MSRA: variants seen among roughly 807,000 people sequenced by gnomAD.
The protein encoded by MSRA is methionine sulfoxide reductase A.
In MSRA, 54 loss-of-function variants were observed where a neutral mutation model predicts 31.3. That is an observed-to-expected ratio of 1.73 (90% CI 1.39 to 2.17). The LOEUF is 2.17. Ranked by LOEUF, MSRA falls within the 30% of genes most tolerant of loss-of-function variation. The pLI is 0.00. For synonymous variants in MSRA, 169 were observed against 116.5 expected (o/e 1.45, Z -2.90); for missense variants, 507 against 300.9 (o/e 1.69, Z -5.07).
intron 3 of MSRA, among the ~76,000 whole-genome samples, chr8:10,256,774 C>A (rs575164014): frequency 1.2e-4 from 18 of 152,168 alleles, no homozygotes; most frequent in African/African-American, 4.3e-4. Context: ...CTCTGTCCCC[C>A]CGAGGCGAAG....
At chr8:10,328,796 C>G (rs1453766455) in intron 5 of MSRA, among the ~76,000 whole-genome samples, 1 of 152,166 alleles carries the variant, frequency 6.6e-6, no homozygotes, top group Non-Finnish European at 1.5e-5. Flanking sequence ...TGGGGACTCA[C>G]TATGAGAACC....
At chr8:10,341,034 G>A (rs1361041307) in intron 5 of MSRA, among the ~76,000 whole-genome samples, 1 of 152,222 alleles carries the variant, frequency 6.6e-6, no homozygotes, top group Middle Eastern at 3.2e-3. Flanking sequence ...CCAAGTGAGA[G>A]GTTGACTATT....
intron 5 of MSRA, among the ~76,000 whole-genome samples, chr8:10,365,116 G>T (rs1476397658): frequency 7.0e-6 from 1 of 142,340 alleles, no homozygotes; most frequent in African/African-American, 2.7e-5. Context: ...ACTTCTAAGG[G>T]CCTTCCTGGT....
chr8:10,338,179 C>A (rs1198104221), intron 5 of MSRA, among the ~76,000 whole-genome samples: 1 of 152,152 alleles, frequency 6.6e-6, no homozygotes, highest in Non-Finnish European at 1.5e-5. Flanking sequence ...CCCGAGAAAG[C>A]AATACTAGCA....
chr8:10,195,288 T>C (rs1807871373), intron 1 of MSRA, among the ~76,000 whole-genome samples: 2 of 152,242 alleles, frequency 1.3e-5, no homozygotes, highest in African/African-American at 4.8e-5. Flanking sequence ...TCGCCCAGGC[T>C]TCAGTGCAGT....
intron 5 of MSRA, among the ~76,000 whole-genome samples, chr8:10,393,763 C>T (rs1806915301): frequency 6.6e-6 from 1 of 152,196 alleles, no homozygotes; most frequent in African/African-American, 2.4e-5. Context: ...TATACAGGTA[C>T]AGTTACATGG....
At chr8:10,426,850 C>G (rs930333569) in intron 5 of MSRA, among the ~76,000 whole-genome samples, 7 of 152,190 alleles carry the variant, frequency 4.6e-5, no homozygotes, top group East Asian at 1.9e-4. Flanking sequence ...ATTGTCAAAA[C>G]TGACATTAGA....
chr8:10,408,476 C>A (rs912798721), intron 5 of MSRA, among the ~76,000 whole-genome samples: 1 of 152,046 alleles, frequency 6.6e-6, no homozygotes, highest in Non-Finnish European at 1.5e-5. Context: ...CAGAATCAAG[C>A]CTGCAGTGAG....
intron 5 of MSRA, among the ~76,000 whole-genome samples, chr8:10,354,750 G>GTGTGTGTATATA (rs371336632): frequency 1.4e-5 from 2 of 138,404 alleles, no homozygotes; most frequent in African/African-American, 5.5e-5. Context: ...GTGTGTGTGT[G>GTGTGTGTATATA]TATATATATA....
chr8:10,201,028 A>G (rs540547749), intron 1 of MSRA, among the ~76,000 whole-genome samples: 4 of 152,114 alleles, frequency 2.6e-5, no homozygotes, highest in Non-Finnish European at 4.4e-5. Context: ...TTCCTGACTG[A>G]CTTGTACCCT....
chr8:10,096,258 A>G (rs1353534665), intron 1 of MSRA: 11 of 1,177,324 alleles, frequency 9.3e-6, no homozygotes, highest in Non-Finnish European at 1.2e-5. Context: ...TAGTGACAAC[A>G]CTGAAGACCA....
At chr8:10,081,278 C>T (rs1050111389) in intron 1 of MSRA, among the ~76,000 whole-genome samples, 2 of 152,224 alleles carry the variant, frequency 1.3e-5, no homozygotes, top group South Asian at 2.1e-4. Context: ...CCTGGCATCC[C>T]ATAGCTGACT....
intron 5 of MSRA, among the ~76,000 whole-genome samples, chr8:10,366,665 G>A (rs773031974): frequency 4.6e-5 from 7 of 152,202 alleles, no homozygotes; most frequent in Non-Finnish European, 8.8e-5. Flanking sequence ...ACCTGTAACA[G>A]TACCTGCTAC....
At chr8:10,209,444 C>A (rs1809286577) in intron 2 of MSRA, among the ~76,000 whole-genome samples, 1 of 152,196 alleles carries the variant, frequency 6.6e-6, no homozygotes, top group South Asian at 2.1e-4. Flanking sequence ...AGATTCAGTA[C>A]CAGATGGGCT....
At chr8:10,124,291 G>A (rs1412447973) in intron 1 of MSRA, among the ~76,000 whole-genome samples, 1 of 152,106 alleles carries the variant, frequency 6.6e-6, no homozygotes, top group Non-Finnish European at 1.5e-5. Context: ...GCAGGCGAGA[G>A]AGAGGCTGAG....
At chr8:10,294,270 A>G (rs956185402) in intron 3 of MSRA, among the ~76,000 whole-genome samples, 2 of 152,186 alleles carry the variant, frequency 1.3e-5, no homozygotes, top group African/African-American at 4.8e-5. Context: ...AGATTCCCTG[A>G]CCAAGGACAT....
intron 2 of MSRA, among the ~76,000 whole-genome samples, chr8:10,213,715 G>A (rs556372804): frequency 6.6e-6 from 1 of 152,114 alleles, no homozygotes; most frequent in African/African-American, 2.4e-5. Context: ...CATTTTCTTT[G>A]CCATTCTTCT....
intron 5 of MSRA, among the ~76,000 whole-genome samples, chr8:10,388,716 G>C (rs983988178): frequency 2.6e-5 from 4 of 152,048 alleles, no homozygotes; most frequent in African/African-American, 7.2e-5. Flanking sequence ...TATTTAATGA[G>C]AGCAGGGTTT....
Position 10,101,324 on chromosome 8 carries a change from T to C in MSRA, c.142+46666T>C, listed in dbSNP as rs1201155246. Among the ~76,000 whole-genome samples the C allele has an allele frequency of 2.6e-5, 4 of 152,306 alleles. No homozygotes were observed. In the East Asian group the frequency reaches 7.7e-4, roughly 29 times the overall value. ...TATGTAGTAAATACTTAATAAATGGTAGATATTATTTATGTTTTACAAAAT... is the reference window on the plus strand; with the variant it reads ...TATGTAGTAAATACTTAATAAATGGCAGATATTATTTATGTTTTACAAAAT... On this transcript the variant is annotated intron_variant, in intron 1 of 5. Coordinates refer to ENST00000317173, the MANE Select transcript of MSRA (RefSeq NM_012331.5).
Sources: gnomAD v4.1 joint callset for allele counts (sites outside exome capture counted in the v4.1 genomes callset) on GRCh38, gnomAD v4.1.1 for gene constraint, MANE v1.5 for transcripts, NCBI Gene and HGNC (gene_info 2026-07-23, HGNC 2026-07-21) for gene names.